Variants in ARHGAP39 observed in about 807,000 individuals in gnomAD.
ARHGAP39 encodes rho GTPase-activating protein 39.
ARHGAP39 carries 44 observed loss-of-function variants against 106.9 expected under a neutral mutation model. The observed-to-expected ratio is 0.41, with a 90% CI of 0.32 to 0.53. The LOEUF (loss-of-function observed/expected upper bound fraction) is 0.53. ARHGAP39 is among the 20% of genes least tolerant of loss of function. The pLI, the probability that ARHGAP39 is intolerant of heterozygous loss-of-function variation, is 0.21. For synonymous variants in ARHGAP39, 768 were observed against 693.2 expected (o/e 1.11, Z -1.69); for missense variants, 1,496 against 1,577.3 (o/e 0.95, Z 0.87).
At chr8:144,680,898 A>G (rs1481977882) in intron 1 of ARHGAP39, among the ~76,000 whole-genome samples, 1 of 152,228 alleles carries the variant, frequency 6.6e-6, no homozygotes, top group Non-Finnish European at 1.5e-5. Context: ...AAACTCAGAT[A>G]TATGATAATA....
At chr8:144,680,082 G>A (rs541801456) in intron 1 of ARHGAP39, among the ~76,000 whole-genome samples, 34 of 152,090 alleles carry the variant, frequency 2.2e-4, no homozygotes, top group African/African-American at 6.8e-4. Context: ...CCTTTAAACC[G>A]CTAGAAACCA....
At chr8:144,682,727 C>T (rs1822459798) in intron 1 of ARHGAP39, among the ~76,000 whole-genome samples, 1 of 152,096 alleles carries the variant, frequency 6.6e-6, no homozygotes, top group South Asian at 2.1e-4. Context: ...ACAACAATGG[C>T]AGGCTGGGCA....
Position 144,545,612 on chromosome 8 carries a change from G to A in ARHGAP39, c.2158C>T (p.Leu720=), listed in dbSNP as rs752267520. Residue 720 remains leucine (L), a synonymous_variant, in exon 6 of 12, where the codon CTG becomes TTG. Transcript: ENST00000377307. ...TTGATGGACTCGCTGCTCCAGGCCA[G>A]CATGTTGGCGATGGACACCTTCCGC... The part of the protein sequence containing the change: ...FRRKVSIANM[L]AWSSESIKKP... The A allele has an allele frequency of 2.5e-6, 4 of 1,613,634 alleles. No individual in the cohort carries two copies. The highest frequency in any genetic ancestry group is 3.4e-6 in the Non-Finnish European group (4 of 1,180,028).
intron 2 of ARHGAP39, among the ~76,000 whole-genome samples, chr8:144,600,633 C>A: frequency 7.2e-6 from 1 of 138,836 alleles, no homozygotes; most frequent in South Asian, 2.4e-4. Flanking sequence ...CACTTGGGTA[C>A]CTACCTGCGT....
At chr8:144,549,715 G>A (rs547642540) in intron 4 of ARHGAP39, among the ~76,000 whole-genome samples, 10 of 152,058 alleles carry the variant, frequency 6.6e-5, no homozygotes, top group African/African-American at 2.2e-4. Context: ...GGCTGGTCCC[G>A]AACTCCTGAC....
intron 1 of ARHGAP39, among the ~76,000 whole-genome samples, chr8:144,635,625 G>C (rs543201251): frequency 6.6e-6 from 1 of 152,354 alleles, no homozygotes; most frequent in East Asian, 1.9e-4. Context: ...ATTATCCCTG[G>C]GCTTGTGATG....
chr8:144,685,906 G>A (rs1432287962), upstream of ARHGAP39, among the ~76,000 whole-genome samples: 1 of 149,882 alleles, frequency 6.7e-6, no homozygotes, highest in Non-Finnish European at 1.5e-5. Flanking sequence ...CCGCCCCCGC[G>A]GCGGTCACTA....
chr8:144,610,711 C>CAAA (rs113580432), intron 1 of ARHGAP39, among the ~76,000 whole-genome samples: 2 of 144,220 alleles, frequency 1.4e-5, no homozygotes, highest in African/African-American at 5.0e-5. Flanking sequence ...GACTCCGTCT[C>CAAA]AAAAAAAAAA....
At chr8:144,569,018 A>G (rs113199535) in intron 3 of ARHGAP39, among the ~76,000 whole-genome samples, 10,445 of 152,272 alleles carry the variant, frequency 0.069, 1,174 homozygotes, top group African/African-American at 0.23. Context: ...ACAGGCAGAG[A>G]CGTTCAGACT....
In ARHGAP39 at chr8:144,644,393, C is replaced by T. The variant is rs113418138; in HGVS notation, c.-81-38698G>A. 0.022 allele frequency among the ~76,000 whole-genome samples: 3,417 copies of T among 152,150 alleles called. 112 individuals are homozygous for T. Among genetic ancestry groups the T allele is most frequent in the African/African-American group, 0.073 (3,042 of 41,502 alleles). On this transcript the variant is annotated intron_variant, in intron 1 of 11. Transcript: ENST00000377307. The surrounding 1 kb of genome is among the most constrained non-coding windows in gnomAD (Gnocchi z 4.8). ...AGCGGCAGATCGGCAGAGATGGAGG[C>T]GGCTATGAGGCGGGGCTGGGCACAA...
intron 1 of ARHGAP39, among the ~76,000 whole-genome samples, chr8:144,661,439 C>T (rs145187263): frequency 3.5e-4 from 53 of 152,316 alleles, no homozygotes; most frequent in Non-Finnish European, 7.1e-4. Context: ...CTCTCTTGGG[C>T]CCATGCTTAC....
intron 1 of ARHGAP39, among the ~76,000 whole-genome samples, 67 bp downstream of exon 1, chr8:144,685,619 C>A (rs1434447827): frequency 1.3e-5 from 2 of 148,852 alleles, no homozygotes; most frequent in Non-Finnish European, 3.0e-5. Context: ...CCACGGGGAC[C>A]GCAGCGCCGG....
intron 3 of ARHGAP39, among the ~76,000 whole-genome samples, chr8:144,579,201 C>CAAAAAAAAAAAA (rs541332282): frequency 6.3e-4 from 25 of 39,882 alleles, no homozygotes; most frequent in African/African-American, 1.9e-3. Context: ...GACTCTGTCT[C>CAAAAAAAAAAAA]AAAAAAAAAA....
At chr8:144,606,160 G>T (rs1820284512) in intron 1 of ARHGAP39, among the ~76,000 whole-genome samples, 1 of 152,230 alleles carries the variant, frequency 6.6e-6, no homozygotes, top group South Asian at 2.1e-4. Flanking sequence ...GAAGGACACG[G>T]GGCCACACGT....
the ARHGAP39 span, among the ~76,000 whole-genome samples, chr8:144,696,939 T>C: frequency 6.6e-6 from 1 of 152,230 alleles, no homozygotes; most frequent in Admixed American, 6.5e-5. Flanking sequence ...GGCTTATTTA[T>C]TGCTCTGTTT....
In ARHGAP39 at chr8:144,585,036, C is replaced by T. The variant is rs1563688018; in HGVS notation, c.81-3759G>A. On this transcript the variant is annotated intron_variant, in intron 2 of 11. Coordinates refer to ENST00000377307, the MANE Select transcript of ARHGAP39 (RefSeq NM_025251.3). This position sits in a 1 kb window ranked among gnomAD's most constrained non-coding sequence, Gnocchi z 4.6. ...GTGGATGGATTTAAGGAGAACCAGG[C>T]ATCTCAGTGGAACTTTGGTCTCCAC... is the stretch of plus-strand genomic sequence containing the variant. Among the ~76,000 whole-genome samples, 1 of 152,176 alleles carries T rather than the reference C, an allele frequency of 6.6e-6. No individual in the cohort carries two copies. The highest frequency in any genetic ancestry group is 6.5e-5 in the Admixed American group (1 of 15,274).
intron 1 of ARHGAP39, among the ~76,000 whole-genome samples, chr8:144,672,947 T>C (rs1350690522): frequency 6.6e-6 from 1 of 152,128 alleles, no homozygotes; most frequent in Non-Finnish European, 1.5e-5. Flanking sequence ...CCAGGCACAG[T>C]GGTTCATGCC....
chr8:144,583,266 CTTTTAT>C (rs905240551), intron 2 of ARHGAP39, among the ~76,000 whole-genome samples: 2 of 152,218 alleles, frequency 1.3e-5, no homozygotes, highest in Non-Finnish European at 2.9e-5. Context: ...TGTTCTCTTC[CTTTTAT>C]TTTTAAAGTT....
At chr8:144,566,315 AGT>A (rs1174495306) in intron 3 of ARHGAP39, among the ~76,000 whole-genome samples, 1 of 151,410 alleles carries the variant, frequency 6.6e-6, no homozygotes, top group Non-Finnish European at 1.5e-5. Context: ...CTGCAAATCC[AGT>A]GCTTTGGGGG....
Sources: gnomAD v4.1 joint callset for allele counts (sites outside exome capture counted in the v4.1 genomes callset) on GRCh38, gnomAD v4.1.1 for gene constraint, Gnocchi (gnomAD v3.1) non-coding constraint, MANE v1.5 for transcripts, NCBI Gene and HGNC (gene_info 2026-07-23, HGNC 2026-07-21) for gene names.